The following SVEP1 variants were observed in gnomAD, a reference collection of about 807,000 sequenced individuals.
SVEP1 encodes the protein sushi, von Willebrand factor type A, EGF and pentraxin domain-containing protein 1.
A neutral mutation model predicts 367.3 loss-of-function variants in SVEP1; 164 were observed. The observed-to-expected ratio is 0.45, with a 90% confidence interval of 0.39 to 0.51. The LOEUF (loss-of-function observed/expected upper bound fraction) is 0.51, where lower values mean the gene tolerates loss of function less well. Ranked by LOEUF, SVEP1 falls within the 20% of genes least tolerant of loss-of-function variation. The pLI is 0.00. For missense variants in SVEP1, 4,117 were observed against 4,425.3 expected (o/e 0.93, Z 1.98); for synonymous variants, 1,666 against 1,611.6 (o/e 1.03, Z -0.81).
At chr9:110,403,869 T>TA (rs1337027279) in intron 39 of SVEP1, among the ~76,000 whole-genome samples, 1 of 151,518 alleles carries the variant, frequency 6.6e-6, no homozygotes, top group East Asian at 1.9e-4. Context: ...TTTTTTTTTT[T>TA]ACAAATAAGG....
At chr9:110,477,995 C>T (rs1829123850) in intron 13 of SVEP1, among the ~76,000 whole-genome samples, 1 of 152,068 alleles carries the variant, frequency 6.6e-6, no homozygotes, top group African/African-American at 2.4e-5. Context: ...CTTCTTACCC[C>T]CATCTCCTCT....
In SVEP1 at chr9:110,406,750, T is replaced by C. The variant is rs770007073; in HGVS notation, c.8850A>G (p.Gly2950=). The part of the protein sequence containing the change: ...EIPLCKPVNC[G]PPEDLAHGFP... ...AACCATGGGCAAGATCTTCAGGAGG[T>C]CCACAGTTGACTGGTTTACAGAGAG... Residue 2950 remains glycine, a synonymous_variant, in exon 38 of 48, where the codon GGA becomes GGG. Transcript: ENST00000374469. 3 of 1,613,816 alleles carry C rather than the reference T, an allele frequency of 1.9e-6. No homozygotes were observed. Among genetic ancestry groups the C allele is most frequent in the East Asian group, 2.2e-5 (1 of 44,870 alleles).
At chr9:110,497,342 G>T (rs1031622553) in intron 7 of SVEP1, among the ~76,000 whole-genome samples, 4 of 152,142 alleles carry the variant, frequency 2.6e-5, no homozygotes, top group African/African-American at 9.7e-5. Context: ...GGAAGCTCTT[G>T]CTGATTCTCC....
chr9:110,483,895 C>T (rs1460706376), intron 9 of SVEP1, among the ~76,000 whole-genome samples: 1 of 152,194 alleles, frequency 6.6e-6, no homozygotes, highest in Non-Finnish European at 1.5e-5. Context: ...ATACTTCCCC[C>T]ATCTGTTGAA....
At position 110,365,960 on chromosome 9, in the gene SVEP1, G is replaced by C; in HGVS notation, c.*579C>G. 1 of 152,216 alleles carries C rather than the reference G, an allele frequency of 6.6e-6. No homozygotes were observed. The highest frequency in any genetic ancestry group is 2.4e-5 in the African/African-American group (1 of 41,450). 9.4% of individuals were successfully genotyped at this position (152,216 alleles called of 1,614,324 possible). On this transcript the variant is annotated 3_prime_UTR_variant, in exon 48 of 48. Coordinates refer to ENST00000374469, the MANE Select transcript of SVEP1 (RefSeq NM_153366.4). ...AAGTACCAGGACATAATTATGTGGT[G>C]GAGAGTACCAGGTCCAACAGTTACT...
At chr9:110,377,880 C>T (rs975589782) in intron 44 of SVEP1, among the ~76,000 whole-genome samples, 7 of 151,824 alleles carry the variant, frequency 4.6e-5, no homozygotes, top group Non-Finnish European at 8.8e-5. Context: ...TCCTCACCCC[C>T]TCCCAGCTCC....
chr9:110,436,290 A>G, intron 28 of SVEP1, 90 bp downstream of exon 28: 2 of 1,486,946 alleles, frequency 1.3e-6, no homozygotes, highest in South Asian at 2.8e-5. Flanking sequence ...AGAGCTTACA[A>G]TAAGTTATGT....
intron 5 of SVEP1, among the ~76,000 whole-genome samples, chr9:110,508,367 T>A (rs1243246855): frequency 2.0e-5 from 3 of 152,186 alleles, no homozygotes; most frequent in Non-Finnish European, 4.4e-5. Flanking sequence ...AAAATAAATC[T>A]GATGTTAAAT....
intron 36 of SVEP1, among the ~76,000 whole-genome samples, chr9:110,425,075 C>T (rs1026009409): frequency 1.3e-5 from 2 of 152,172 alleles, no homozygotes; most frequent in Non-Finnish European, 2.9e-5. Flanking sequence ...ACTTTCAGAG[C>T]ACCCCTAAAA....
chr9:110,513,052 T>C lies in SVEP1; in HGVS notation c.1177A>G (p.Thr393Ala). 1 of 1,613,972 alleles carries C rather than the reference T, an allele frequency of 6.2e-7. No individual in the cohort carries two copies. Residue 393 changes from threonine (T) to alanine (A), a missense_variant, in exon 5 of 48, where the codon ACT (threonine) becomes GCT (alanine). Physicochemically the swap from Thr to Ala is moderately conservative, Grantham distance 58 (BLOSUM62 0). Around this residue, in one of 4 missense-constraint regions of SVEP1, gnomAD observed 2,174 missense variants for 2,494.3 expected, o/e 0.87. Transcript: ENST00000374469. ...GCTGCATTGAAGTGGTTGTTGCAAG[T>C]GTTTTGGATAAAGTAACCATTTTCG... ...PPENGYFIQN[T>A]CNNHFNAACG...
At chr9:110,550,974 C>T (rs1018580424) in intron 1 of SVEP1, among the ~76,000 whole-genome samples, 3 of 152,148 alleles carry the variant, frequency 2.0e-5, no homozygotes, top group Non-Finnish European at 2.9e-5. Context: ...GCTGTTGTTG[C>T]TTTTCACTAC....
chr9:110,522,826 C>T (rs138683202), intron 3 of SVEP1, among the ~76,000 whole-genome samples: 2 of 152,192 alleles, frequency 1.3e-5, no homozygotes, highest in East Asian at 3.9e-4. Context: ...AGTCTGTAGT[C>T]GTTTGGAAAT....
At chr9:110,372,142 C>T (rs529337252) in intron 46 of SVEP1, among the ~76,000 whole-genome samples, 1 of 152,264 alleles carries the variant, frequency 6.6e-6, no homozygotes, top group East Asian at 1.9e-4. Context: ...TGGTCCATGC[C>T]TTTAGCTGCA....
At chr9:110,371,332 T>C (rs1405256456) in intron 46 of SVEP1, among the ~76,000 whole-genome samples, 3 of 152,190 alleles carry the variant, frequency 2.0e-5, no homozygotes, top group African/African-American at 7.2e-5. Flanking sequence ...TCATTACATT[T>C]ACTTCCTTGT....
At chr9:110,465,436 T>G (rs1828920286) in intron 18 of SVEP1, among the ~76,000 whole-genome samples, 1 of 152,212 alleles carries the variant, frequency 6.6e-6, no homozygotes. Flanking sequence ...CCTGACTGAA[T>G]AACTACTCAC....
intron 9 of SVEP1, among the ~76,000 whole-genome samples, chr9:110,486,871 C>G (rs1016348729): frequency 6.6e-6 from 1 of 151,880 alleles, no homozygotes; most frequent in Non-Finnish European, 1.5e-5. Context: ...TCTCGAGCTC[C>G]TGACCTCAGG....
At chr9:110,544,462 T>C (rs1173180849) in intron 3 of SVEP1, among the ~76,000 whole-genome samples, 4 of 152,196 alleles carry the variant, frequency 2.6e-5, no homozygotes, top group African/African-American at 7.2e-5. Flanking sequence ...AGAAAAACTA[T>C]GTACTACTTT....
chr9:110,370,168 G>C (rs1407086606), intron 46 of SVEP1, among the ~76,000 whole-genome samples, 152 bp from the exon 47 acceptor site: 1 of 151,912 alleles, frequency 6.6e-6, no homozygotes, highest in African/African-American at 2.4e-5. Flanking sequence ...CTGCTGTTCT[G>C]CTTGACTTCA....
chr9:110,538,470 T>C (rs1830105551), intron 3 of SVEP1, among the ~76,000 whole-genome samples: 1 of 152,082 alleles, frequency 6.6e-6, no homozygotes, highest in Non-Finnish European at 1.5e-5. Flanking sequence ...GTCCTCTCTC[T>C]TTCCAAAGAA....
Sources: gnomAD v4.1 joint callset for allele counts (sites outside exome capture counted in the v4.1 genomes callset) on GRCh38, gnomAD v4.1.1 for gene constraint, gnomAD v4.1.1 regional missense constraint, MANE v1.5 for transcripts, NCBI Gene and HGNC (gene_info 2026-07-23, HGNC 2026-07-21) for gene names.